HDAC9: variants seen among roughly 807,000 people sequenced by gnomAD.
HDAC9 encodes the protein histone deacetylase 9.
HDAC9 carries 41 observed loss-of-function variants against 139.4 expected under a neutral mutation model. The ratio of observed to expected loss-of-function variants is 0.29; its 90% CI spans 0.23 to 0.38. HDAC9 has a LOEUF of 0.38. Among genes scored for constraint, HDAC9 ranks in the 10% least tolerant of loss-of-function variants. HDAC9 has a pLI of 1.00. For missense variants in HDAC9, 1,147 were observed against 1,297.0 expected (o/e 0.88, Z 1.78); for synonymous variants, 517 against 476.2 (o/e 1.09, Z -1.12).
At chr7:18,988,466 G>T (rs1312316488) in intron 25 of HDAC9, among the ~76,000 whole-genome samples, 1 of 151,622 alleles carries the variant, frequency 6.6e-6, no homozygotes, top group Admixed American at 6.6e-5. Context: ...ATTTGCTGAG[G>T]AGAGCTTTAC....
intron 2 of HDAC9, among the ~76,000 whole-genome samples, chr7:18,516,224 C>A: frequency 6.6e-6 from 1 of 152,078 alleles, no homozygotes; most frequent in East Asian, 1.9e-4. Context: ...GAGAATAAAA[C>A]CTCAGATGGT....
In HDAC9 at chr7:18,591,475, A is replaced by ATGTGTGTGTGTGTG. The variant is rs36100341; in HGVS notation, c.416-21_416-8dup. The stretch of plus-strand genomic sequence containing the variant: ...CATCAACATCTGTTTCTGTGTGTGT[A>ATGTGTGTGTGTGTG]TGTGTGTGTGTGTGTGTGTGTGTGT... On this transcript the variant is annotated intron_variant, in intron 4 of 25. Transcript: ENST00000686413. 3.3e-4 allele frequency: 490 copies of ATGTGTGTGTGTGTG among 1,474,086 alleles called. 2 individuals are homozygous for ATGTGTGTGTGTGTG. The African/African-American group carries it at 6.5e-3, about 20-fold the overall frequency. The allele number at this position is 1,474,086 out of a possible 1,614,324, so 91.3% of individuals were successfully genotyped here. A position where few individuals can be genotyped will look rare whatever the true frequency, so the allele number is the denominator to read the frequency against.
intron 1 of HDAC9, among the ~76,000 whole-genome samples, chr7:18,104,500 G>T (rs528169602): frequency 1.5e-4 from 23 of 152,152 alleles, no homozygotes; most frequent in African/African-American, 5.5e-4. Flanking sequence ...AAAAACAAGG[G>T]TTGGGAAAAG....
intron 22 of HDAC9, among the ~76,000 whole-genome samples, chr7:18,918,354 G>T (rs1803396178): frequency 6.6e-6 from 1 of 151,574 alleles, no homozygotes; most frequent in Non-Finnish European, 1.5e-5. Context: ...GAGGGGAAAG[G>T]GGGAAATCCA....
At chr7:18,180,412 C>CT (rs538848662) in intron 2 of HDAC9, among the ~76,000 whole-genome samples, 1,494 of 149,172 alleles carry the variant, frequency 0.01, 51 homozygotes, top group Admixed American at 0.058. Flanking sequence ...TTTCTTTTTT[C>CT]TTTTTTTTTT....
intron 1 of HDAC9, among the ~76,000 whole-genome samples, chr7:18,444,300 A>G (rs1443886800): frequency 6.8e-6 from 1 of 147,132 alleles, no homozygotes; most frequent in East Asian, 2.1e-4. Flanking sequence ...GATCATGCCA[A>G]TGCTGCACTA....
chr7:18,730,566 G>A (rs1584929235), intron 13 of HDAC9, among the ~76,000 whole-genome samples: 1 of 152,290 alleles, frequency 6.6e-6, no homozygotes, highest in East Asian at 1.9e-4. Flanking sequence ...ACAACAGCCA[G>A]TAGTATTGAA....
intron 11 of HDAC9, among the ~76,000 whole-genome samples, chr7:18,660,468 A>G (rs1792762103): frequency 6.6e-6 from 1 of 152,184 alleles, no homozygotes. Flanking sequence ...ACTAAGCATT[A>G]ATAATTTTTT....
At chr7:18,159,293 G>A (rs978534937) in intron 1 of HDAC9, among the ~76,000 whole-genome samples, 1 of 152,038 alleles carries the variant, frequency 6.6e-6, no homozygotes, top group Non-Finnish European at 1.5e-5. Context: ...CCTACCTGAA[G>A]GCGAGTTTCC....
chr7:18,294,559 TA>T (rs1163721462), intron 1 of HDAC9, among the ~76,000 whole-genome samples: 1 of 151,840 alleles, frequency 6.6e-6, no homozygotes, highest in Non-Finnish European at 1.5e-5. Flanking sequence ...AGAAAGAGAG[TA>T]AAGGTCAGCA....
chr7:18,144,583 A>G (rs1318296083), intron 1 of HDAC9, among the ~76,000 whole-genome samples: 1 of 152,056 alleles, frequency 6.6e-6, no homozygotes, highest in Non-Finnish European at 1.5e-5. Flanking sequence ...TGCTATATGC[A>G]CCATTCTGAG....
chr7:18,355,466 A>G (rs1385565466), intron 1 of HDAC9, among the ~76,000 whole-genome samples: 1 of 152,206 alleles, frequency 6.6e-6, no homozygotes, highest in Non-Finnish European at 1.5e-5. Flanking sequence ...GATTAAAAAA[A>G]TTCTGTTAAA....
intron 22 of HDAC9, among the ~76,000 whole-genome samples, chr7:18,894,334 T>C (rs1356714309): frequency 6.6e-6 from 1 of 152,202 alleles, no homozygotes; most frequent in Middle Eastern, 3.4e-3. Flanking sequence ...CATTATGACA[T>C]TGGAGCCATG....
intron 1 of HDAC9, among the ~76,000 whole-genome samples, chr7:18,417,547 G>A (rs1033559344): frequency 6.6e-6 from 1 of 152,122 alleles, no homozygotes; most frequent in Admixed American, 6.5e-5. Flanking sequence ...GTTTTGGGGT[G>A]CAGTTAAGTT....
At chr7:18,343,955 C>T in intron 1 of HDAC9, among the ~76,000 whole-genome samples, 1 of 151,614 alleles carries the variant, frequency 6.6e-6, no homozygotes, top group Admixed American at 6.6e-5. Flanking sequence ...TTTAGTAAAC[C>T]CTTATTTTTC....
At chr7:18,917,827 A>C (rs147992084) in intron 22 of HDAC9, among the ~76,000 whole-genome samples, 169 of 152,106 alleles carry the variant, frequency 1.1e-3, no homozygotes, top group Middle Eastern at 0.01. Context: ...CAGGCCCCCA[A>C]ATCTATGCTC....
At chr7:18,128,551 G>A (rs1784815598) in intron 1 of HDAC9, among the ~76,000 whole-genome samples, 1 of 152,018 alleles carries the variant, frequency 6.6e-6, no homozygotes, top group African/African-American at 2.4e-5. Flanking sequence ...GACACCTTAG[G>A]GTAGCTGAGT....
rs1397663867 is a variant in HDAC9 at position 18,732,857 on chromosome 7, GTGCGTA to G, written c.1909+5103_1909+5108del. On this transcript the variant is annotated intron_variant, in intron 13 of 25. Transcript: ENST00000686413. ...TATGTGTACACACACGTGTGTATGTGTGCGTATGTGTACACACACACGTGTGCGTAT... is the reference window on the plus strand; with the variant it reads ...TATGTGTACACACACGTGTGTATGTGTGTGTACACACACACGTGTGCGTAT... Among the ~76,000 whole-genome samples the G allele has an allele frequency of 1.8e-4, 19 of 105,108 alleles. 1 individual carries two copies. The East Asian group carries it at 2.4e-3, about 13-fold the overall frequency. 69.0% of individuals were successfully genotyped at this position (105,108 alleles called of 152,430 possible).
At chr7:18,540,082 A>C (rs1221488681) in intron 2 of HDAC9, among the ~76,000 whole-genome samples, 3 of 143,416 alleles carry the variant, frequency 2.1e-5, no homozygotes, top group Non-Finnish European at 3.0e-5. Context: ...ACATGTTGAA[A>C]CCGCATCCCT....
Sources: allele counts gnomAD v4.1 joint callset (sites outside exome capture counted in the v4.1 genomes callset), GRCh38; gene constraint gnomAD v4.1.1; transcripts MANE v1.5; gene names NCBI Gene and HGNC (gene_info 2026-07-23, HGNC 2026-07-21).